The following NLRP11 variants were observed in gnomAD, a reference collection of about 807,000 sequenced individuals.
NLRP11 encodes the protein NACHT, LRR and PYD domains-containing protein 11.
In NLRP11, 53 loss-of-function variants were observed where a neutral mutation model predicts 79.3. The ratio of observed to expected loss-of-function variants is 0.67; its 90% CI spans 0.54 to 0.84. The LOEUF (loss-of-function observed/expected upper bound fraction) is 0.84. Ranked by LOEUF, NLRP11 falls within the 40% of genes least tolerant of loss-of-function variation. The pLI is 0.00. For missense variants in NLRP11, 1,264 were observed against 1,255.0 expected, an observed-to-expected ratio of 1.01 and a Z score of -0.11; for synonymous variants, 518 against 462.6, an observed-to-expected ratio of 1.12 and a Z score of -1.54.
In NLRP11 at chr19:55,796,549, C is replaced by T. The variant is rs577762094; in HGVS notation, c.2172-299G>A. On this transcript the variant is annotated intron_variant, in intron 5 of 9. Coordinates refer to ENST00000589093, the Ensembl canonical transcript of NLRP11. ...GGTAAGTCAGGTATCAAGCATCCCA[C>T]CTGACCATGGGATGTGGGTACGATC... Among the ~76,000 whole-genome samples, 6 of 152,256 alleles carry T rather than the reference C, an allele frequency of 3.9e-5. No homozygotes were observed. The South Asian group carries it at 1.2e-3, about 32-fold the overall frequency.
chr19:55,788,792 A>C lies in NLRP11; in HGVS notation c.2855+15T>G, dbSNP rs1990056851. 6.4e-7 allele frequency: 1 copy of C among 1,552,826 alleles called. No individual in the cohort carries two copies. Among genetic ancestry groups the C allele is most frequent in the African/African-American group, 1.4e-5 (1 of 71,914 alleles). On this transcript the variant is annotated intron_variant, in intron 9 of 9. Transcript: ENST00000589093. ...AAAGAATTTTCCCCATCACCAAGGAAAATAAGCAACTTACCCAACTACCTT... is the reference window on the plus strand; with the variant it reads ...AAAGAATTTTCCCCATCACCAAGGACAATAAGCAACTTACCCAACTACCTT...
chr19:55,814,600 T>A (rs1207024151), intron 2 of NLRP11, among the ~76,000 whole-genome samples: 1 of 152,108 alleles, frequency 6.6e-6, no homozygotes, highest in Non-Finnish European at 1.5e-5. Flanking sequence ...AATTACTAAT[T>A]CTGGAAGAAA....
In NLRP11 at chr19:55,808,167, G is replaced by A. The variant is rs998310487; in HGVS notation, c.1842-153C>T. On this transcript the variant is annotated intron_variant, in intron 3 of 9. Coordinates refer to ENST00000589093, the Ensembl canonical transcript of NLRP11. ...AAATAAAGTAGGGTCAAACATGAAT[G>A]AACAACACTCAGATCCATTAAAGTA... 5.3e-5 allele frequency among the ~76,000 whole-genome samples: 8 copies of A among 152,192 alleles called. No individual in the cohort carries two copies. In the East Asian group the frequency reaches 1.5e-3, roughly 29 times the overall value.
chr19:55,806,557 C>T (rs780296744), intron 4 of NLRP11, among the ~76,000 whole-genome samples: 2 of 152,182 alleles, frequency 1.3e-5, no homozygotes, highest in Non-Finnish European at 1.5e-5. Flanking sequence ...TGATTCTCAC[C>T]TGGCAAATGC....
At chr19:55,812,922 T>C (rs1244344571) in intron 2 of NLRP11, among the ~76,000 whole-genome samples, 1 of 152,204 alleles carries the variant, frequency 6.6e-6, no homozygotes, top group Non-Finnish European at 1.5e-5. Flanking sequence ...AAGTTAATAA[T>C]GTGCATTTTC....
chr19:55,786,126 C>A (rs1400802446), intron 9 of NLRP11, among the ~76,000 whole-genome samples: 2 of 152,216 alleles, frequency 1.3e-5, no homozygotes, highest in Non-Finnish European at 2.9e-5. Flanking sequence ...AACGCCACTA[C>A]GTGCTCAATG....
chr19:55,823,615 T>A (rs1328573546), intron 1 of NLRP11, among the ~76,000 whole-genome samples: 6 of 145,850 alleles, frequency 4.1e-5, no homozygotes, highest in African/African-American at 1.3e-4. Flanking sequence ...ACGTGAAGAA[T>A]GCAGAAGCCT....
In NLRP11 at chr19:55,809,434, A is replaced by T. The variant is rs947328082; in HGVS notation, c.1176T>A (p.Gly392=). 6.2e-7 allele frequency: 1 copy of T among 1,614,086 alleles called. No homozygotes were observed. Among genetic ancestry groups the T allele is most frequent in the African/African-American group, 1.3e-5 (1 of 75,014 alleles). Residue 392 remains glycine (G), a synonymous_variant, in exon 3 of 10, where the codon GGT becomes GGA. Coordinates refer to ENST00000589093, the Ensembl canonical transcript of NLRP11. The surrounding 1 kb of genome is among the most constrained non-coding windows in gnomAD (Gnocchi z 4.5). ...CCAGCAAACACAGACGTTTTAGGAG[A>T]CCTAGGTGATACTGATTGGCAGTAA...
chr19:55,829,481 C>G (rs541913147), intron 1 of NLRP11, among the ~76,000 whole-genome samples: 7 of 152,010 alleles, frequency 4.6e-5, no homozygotes, highest in Non-Finnish European at 7.4e-5. Flanking sequence ...TCCTGGCTAA[C>G]ACAGTGAAGC....
At chr19:55,822,845 CGCCATTGCCCAG>C in intron 1 of NLRP11, among the ~76,000 whole-genome samples, 1 of 152,260 alleles carries the variant, frequency 6.6e-6, no homozygotes, top group South Asian at 2.1e-4. Flanking sequence ...GAGGGGCGCC[CGCCATTGCCCAG>C]GCTTGATTAG....
upstream of NLRP11, among the ~76,000 whole-genome samples, chr19:55,832,279 G>A (rs183178971): frequency 1.6e-3 from 245 of 152,248 alleles, no homozygotes; most frequent in Admixed American, 4.1e-3. Context: ...AGGCAGTGCC[G>A]GGGGAAAGAA....
rs1226259735 is a variant in NLRP11, at chr19:55,809,776, C to T, written c.834G>A (p.Arg278=). 6.2e-7 allele frequency: 1 copy of T among 1,614,116 alleles called. No individual in the cohort carries two copies. The highest frequency in any genetic ancestry group is 2.2e-5 in the East Asian group (1 of 44,882). The change falls in exon 3 of 10, where the codon AGG becomes AGA. Residue 278 remains arginine (R), a synonymous_variant. Coordinates refer to ENST00000589093, the Ensembl canonical transcript of NLRP11. The surrounding 1 kb of genome is among the most constrained non-coding windows in gnomAD (Gnocchi z 4.5). ...TTTTTACATTATTCCCACGTGTGGG[C>T]CTTGAGGAGATGAGGAACCAGCAGC...
At position 55,816,479 on chromosome 19, in the gene NLRP11, T is replaced by C. The variant is rs181989142; in HGVS notation, c.271+1425A>G. Among the ~76,000 whole-genome samples the C allele has an allele frequency of 5.3e-5, 8 of 152,314 alleles. No individual in the cohort carries two copies. In the East Asian group the frequency reaches 7.7e-4, roughly 15 times the overall value. ...TATTCATGATCTTGGTAAGTTCTCTTAACCCCTCAGGTATTCAGGTTTTCA... is the reference window on the plus strand; with the variant it reads ...TATTCATGATCTTGGTAAGTTCTCTCAACCCCTCAGGTATTCAGGTTTTCA... On this transcript the variant is annotated intron_variant, in intron 2 of 9. Transcript: ENST00000589093.
exon 7 of NLRP11, chr19:55,792,460 C>T (rs1467054745): frequency 1.2e-6 from 2 of 1,613,906 alleles, no homozygotes; most frequent in Admixed American, 1.7e-5. Flanking sequence ...AGTGAGACAG[C>T]AGAAGACTAA....
chr19:55,792,388 T>A, exon 7 of NLRP11: 1 of 1,613,962 alleles, frequency 6.2e-7, no homozygotes, highest in Non-Finnish European at 8.5e-7. Flanking sequence ...CACACACAGG[T>A]CTAGTTGTCT....
intron 2 of NLRP11, among the ~76,000 whole-genome samples, chr19:55,816,395 T>C (rs763907129): frequency 2.0e-5 from 3 of 152,240 alleles, no homozygotes; most frequent in Non-Finnish European, 2.9e-5. Flanking sequence ...AATTGCTTTA[T>C]GTAAGAGAGA....
At chr19:55,799,928 C>G (rs1032938672) in intron 5 of NLRP11, among the ~76,000 whole-genome samples, 20 of 152,262 alleles carry the variant, frequency 1.3e-4, no homozygotes, top group African/African-American at 4.3e-4. Context: ...GATCACACCA[C>G]TGCACTCCAG....
chr19:55,786,423 G>A (rs1354090757), intron 9 of NLRP11, among the ~76,000 whole-genome samples: 1 of 152,096 alleles, frequency 6.6e-6, no homozygotes, highest in Non-Finnish European at 1.5e-5. Context: ...TATTTGGGAG[G>A]CTGAGGTGGA....
chr19:55,807,863 G>A (rs141366900), exon 4 of NLRP11: 20 of 1,609,886 alleles, frequency 1.2e-5, no homozygotes, highest in East Asian at 4.5e-5. Flanking sequence ...TTGAGTGTGC[G>A]AAGTTTACAG....
Sources: gnomAD v4.1 joint callset for allele counts (sites outside exome capture counted in the v4.1 genomes callset) on GRCh38, gnomAD v4.1.1 for gene constraint, Gnocchi (gnomAD v3.1) non-coding constraint, MANE v1.5 for transcripts, NCBI Gene and HGNC (gene_info 2026-07-23, HGNC 2026-07-21) for gene names.